Variants in GATAD2B observed in about 807,000 individuals in gnomAD.
GATAD2B encodes transcriptional repressor p66-beta.
A neutral mutation model predicts 64.3 loss-of-function variants in GATAD2B; 8 were observed. The ratio of observed to expected loss-of-function variants is 0.12; its 90% CI spans 0.07 to 0.22. GATAD2B has a LOEUF of 0.22. Among genes scored for constraint, GATAD2B ranks in the 10% least tolerant of loss-of-function variants. GATAD2B has a pLI of 1.00. For synonymous variants in GATAD2B, 281 were observed against 271.3 expected, an observed-to-expected ratio of 1.04 and a Z score of -0.35; for missense variants, 453 against 752.0, an observed-to-expected ratio of 0.60 and a Z score of 4.65.
At chr1:153,892,906 GCTGATC>G (rs1461852479) in intron 1 of GATAD2B, among the ~76,000 whole-genome samples, 29 of 152,150 alleles carry the variant, frequency 1.9e-4, no homozygotes, top group African/African-American at 6.3e-4. Flanking sequence ...TGTTGGCCAA[GCTGATC>G]TTGAACTCCT....
chr1:153,897,827 CTA>C (rs1056781091), intron 1 of GATAD2B, among the ~76,000 whole-genome samples: 1 of 151,984 alleles, frequency 6.6e-6, no homozygotes, highest in Non-Finnish European at 1.5e-5. Context: ...TCCTCAGTAA[CTA>C]TATATGTTTC....
At chr1:153,882,204 G>A (rs1042227258) in intron 1 of GATAD2B, among the ~76,000 whole-genome samples, 7 of 151,962 alleles carry the variant, frequency 4.6e-5, no homozygotes, top group African/African-American at 1.7e-4. Flanking sequence ...TTGTCTTCAT[G>A]AATGAGAGCT....
intron 9 of GATAD2B, 74 bp from the exon 10 acceptor site, chr1:153,811,922 A>G: frequency 8.1e-7 from 1 of 1,233,052 alleles, no homozygotes; most frequent in Non-Finnish European, 1.2e-6. Flanking sequence ...ATAAGGGAGT[A>G]CAGAAGAAGA....
rs181967469 is a variant in GATAD2B at position 153,903,594 on chromosome 1, G to A, written c.-2+19139C>T. On this transcript the variant is annotated intron_variant, in intron 1 of 10. Coordinates refer to ENST00000368655, the MANE Select transcript of GATAD2B (RefSeq NM_020699.4). ...ATGAAAATCATTAAATAGCAGAATT[G>A]TAAGCAACAGGAAAAGTACAGAATT... Among the ~76,000 whole-genome samples, 281 of 152,286 alleles carry A rather than the reference G, an allele frequency of 1.8e-3. 1 individual carries two copies. The highest frequency in any genetic ancestry group is 6.5e-3 in the African/African-American group (270 of 41,554).
At chr1:153,879,764 A>C (rs1676954171) in intron 1 of GATAD2B, among the ~76,000 whole-genome samples, 1 of 76,538 alleles carries the variant, frequency 1.3e-5, no homozygotes, top group Non-Finnish European at 3.0e-5. Context: ...ACTGTCTACA[A>C]AAAAAAAAAA....
intron 1 of GATAD2B, among the ~76,000 whole-genome samples, chr1:153,883,415 G>A (rs1010673294): frequency 2.6e-5 from 4 of 152,184 alleles, no homozygotes; most frequent in African/African-American, 4.8e-5. Flanking sequence ...GGTTGATACC[G>A]TACTATCTCA....
intron 1 of GATAD2B, among the ~76,000 whole-genome samples, chr1:153,908,057 C>T (rs1191682722): frequency 1.3e-5 from 2 of 152,194 alleles, no homozygotes; most frequent in Non-Finnish European, 2.9e-5. Flanking sequence ...CCTGCCTTGG[C>T]CTCCCAAAGT....
intron 2 of GATAD2B, among the ~76,000 whole-genome samples, chr1:153,824,112 G>GA (rs1409969150): frequency 2.0e-5 from 3 of 152,176 alleles, no homozygotes; most frequent in Admixed American, 6.5e-5. Context: ...AGAGGATTGT[G>GA]TTTCAAAAGA....
At position 153,805,217 on chromosome 1, in the gene GATAD2B, AG is replaced by A. The variant is rs1214001440; in HGVS notation, c.*4959del. On this transcript the variant is annotated 3_prime_UTR_variant, in exon 11 of 11. Transcript: ENST00000368655. ...TGTGGGGAAATTGGGCCCCTGAAGGAGACAGACTGTGAAACAGCTGCCTTTA... is the reference window on the plus strand; with the variant it reads ...TGTGGGGAAATTGGGCCCCTGAAGGAACAGACTGTGAAACAGCTGCCTTTA... 3 of 152,220 alleles carry A rather than the reference AG, an allele frequency of 2.0e-5. No individual in the cohort carries two copies. The highest frequency in any genetic ancestry group is 7.2e-5 in the African/African-American group (3 of 41,442). 9.4% of individuals were successfully genotyped at this position (152,220 alleles called of 1,614,324 possible).
intron 1 of GATAD2B, among the ~76,000 whole-genome samples, chr1:153,886,830 A>G (rs913000148): frequency 4.6e-5 from 7 of 151,954 alleles, no homozygotes; most frequent in Non-Finnish European, 1.0e-4. Flanking sequence ...AAGCACTGGG[A>G]TTACAGGCAT....
intron 1 of GATAD2B, among the ~76,000 whole-genome samples, chr1:153,840,703 G>A (rs975167294): frequency 3.9e-5 from 6 of 152,142 alleles, no homozygotes; most frequent in African/African-American, 1.4e-4. Context: ...TAAAAACTTT[G>A]AAGTAAATAT....
At chr1:153,911,753 C>CAA (rs71584153) in intron 1 of GATAD2B, among the ~76,000 whole-genome samples, 2 of 151,446 alleles carry the variant, frequency 1.3e-5, no homozygotes, top group South Asian at 4.2e-4. Context: ...AAACAAAAAA[C>CAA]AAAAAAAACA....
At chr1:153,871,376 TG>T (rs1676660209) in intron 1 of GATAD2B, among the ~76,000 whole-genome samples, 1 of 150,902 alleles carries the variant, frequency 6.6e-6, no homozygotes, top group Non-Finnish European at 1.5e-5. Flanking sequence ...CTTGTTTTTT[TG>T]TATTTTTAGT....
At chr1:153,831,628 T>C (rs901761779) in intron 1 of GATAD2B, among the ~76,000 whole-genome samples, 2 of 152,194 alleles carry the variant, frequency 1.3e-5, no homozygotes, top group African/African-American at 4.8e-5. Context: ...TATAATCAAC[T>C]TTAGAACATT....
At chr1:153,848,859 C>A (rs1675780992) in intron 1 of GATAD2B, among the ~76,000 whole-genome samples, 1 of 152,110 alleles carries the variant, frequency 6.6e-6, no homozygotes. Flanking sequence ...AAGGCTGAGG[C>A]AGAGAACTGC....
chr1:153,851,930 C>T lies in GATAD2B; in HGVS notation c.-1-23582G>A, dbSNP rs143813937. Among the ~76,000 whole-genome samples, 132 of 152,306 alleles carry T rather than the reference C, an allele frequency of 8.7e-4. 1 individual carries two copies. The highest frequency in any genetic ancestry group is 3.2e-3 in the African/African-American group (131 of 41,576). ...TTACCAGGTGAACAGAAATCATCTGCTAAAGCCAGAAACTTTAAAGCTCTT... is the reference window on the plus strand; with the variant it reads ...TTACCAGGTGAACAGAAATCATCTGTTAAAGCCAGAAACTTTAAAGCTCTT... On this transcript the variant is annotated intron_variant, in intron 1 of 10. Coordinates refer to ENST00000368655, the MANE Select transcript of GATAD2B (RefSeq NM_020699.4).
intron 7 of GATAD2B, among the ~76,000 whole-genome samples, chr1:153,813,753 G>A (rs1012492334): frequency 3.9e-5 from 6 of 152,086 alleles, no homozygotes; most frequent in African/African-American, 7.2e-5. Context: ...TGAGGTGGAC[G>A]GCTAACGAGG....
At chr1:153,820,640 T>TC (rs745702913) in intron 2 of GATAD2B, among the ~76,000 whole-genome samples, 1 of 152,080 alleles carries the variant, frequency 6.6e-6, no homozygotes, top group Non-Finnish European at 1.5e-5. Context: ...CTTTTTTTTT[T>TC]CCCTCTTGAG....
chr1:153,861,795 A>AAAAAAAAAAAAAAAT (rs371843941), intron 1 of GATAD2B, among the ~76,000 whole-genome samples: 2 of 98,530 alleles, frequency 2.0e-5, no homozygotes, highest in Admixed American at 1.4e-4. Flanking sequence ...AAAAAAAAAA[A>AAAAAAAAAAAAAAAT]ATATATATAT....
Sources: gnomAD v4.1 joint callset for allele counts (sites outside exome capture counted in the v4.1 genomes callset) on GRCh38, gnomAD v4.1.1 for gene constraint, MANE v1.5 for transcripts, NCBI Gene and HGNC (gene_info 2026-07-23, HGNC 2026-07-21) for gene names.